The following TEK variants were observed in gnomAD, a reference collection of about 807,000 sequenced individuals.
The protein encoded by TEK is angiopoietin-1 receptor.
TEK carries 43 observed loss-of-function variants against 131.8 expected under a neutral mutation model. The ratio of observed to expected loss-of-function variants is 0.33; its 90% CI spans 0.26 to 0.42. The LOEUF is 0.42. Among genes scored for constraint, TEK ranks in the 10% least tolerant of loss-of-function variants. The pLI is 1.00. For missense variants in TEK, 1,162 were observed against 1,384.4 expected (o/e 0.84, Z 2.55); for synonymous variants, 580 against 491.6 (o/e 1.18, Z -2.38).
intron 1 of TEK, among the ~76,000 whole-genome samples, chr9:27,137,689 TTC>T: frequency 6.6e-6 from 1 of 152,250 alleles, no homozygotes; most frequent in Non-Finnish European, 1.5e-5. Context: ...CAAGATTTAC[TTC>T]GTTTTACTCT....
At chr9:27,218,130 T>TG (rs1554702611) in intron 19 of TEK, among the ~76,000 whole-genome samples, 7 of 139,512 alleles carry the variant, frequency 5.0e-5, no homozygotes, top group African/African-American at 1.8e-4. Flanking sequence ...GGCCAGACAG[T>TG]GGCGGGGGTC....
intron 1 of TEK, among the ~76,000 whole-genome samples, chr9:27,121,986 T>G (rs1821810589): frequency 6.6e-6 from 1 of 152,232 alleles, no homozygotes; most frequent in South Asian, 2.1e-4. Context: ...CTAATTTTGT[T>G]TCTCCCAGGA....
chr9:27,198,146 A>G (rs1825094788), intron 12 of TEK: 1 of 169,622 alleles, frequency 5.9e-6, no homozygotes, highest in Non-Finnish European at 1.3e-5. Flanking sequence ...TCTTTGTAGT[A>G]TTGAAAGTCT....
intron 1 of TEK, among the ~76,000 whole-genome samples, chr9:27,156,228 A>G (rs1003759783): frequency 1.3e-5 from 2 of 152,154 alleles, no homozygotes; most frequent in African/African-American, 4.8e-5. Flanking sequence ...CACTCATCCA[A>G]CAAATACTTA....
chr9:27,126,319 A>G (rs186076528), intron 1 of TEK, among the ~76,000 whole-genome samples: 2 of 152,300 alleles, frequency 1.3e-5, no homozygotes, highest in African/African-American at 4.8e-5. Context: ...TAGACTTGGG[A>G]CCATTGTAAA....
At chr9:27,144,098 A>G (rs750419057) in intron 1 of TEK, among the ~76,000 whole-genome samples, 13 of 152,338 alleles carry the variant, frequency 8.5e-5, no homozygotes, top group East Asian at 1.9e-4. Flanking sequence ...CCTGGCCAAC[A>G]TGGTGAAACC....
intron 1 of TEK, among the ~76,000 whole-genome samples, chr9:27,123,372 A>T (rs1240077930): frequency 6.6e-6 from 1 of 152,092 alleles, no homozygotes; most frequent in African/African-American, 2.4e-5. Flanking sequence ...GTGTAAAGGG[A>T]GTAAGGAAAG....
chr9:27,220,554 G>T (rs1759039059), intron 21 of TEK, among the ~76,000 whole-genome samples: 1 of 152,214 alleles, frequency 6.6e-6, no homozygotes, highest in Admixed American at 6.5e-5. Context: ...GCAACTCCCA[G>T]TGAGATCAAC....
At chr9:27,135,031 C>A (rs1051382913) in intron 1 of TEK, among the ~76,000 whole-genome samples, 2 of 152,098 alleles carry the variant, frequency 1.3e-5, no homozygotes, top group African/African-American at 4.8e-5. Flanking sequence ...TGAAGACCAG[C>A]CTGCCCAACA....
intron 1 of TEK, among the ~76,000 whole-genome samples, chr9:27,139,843 C>T (rs573516224): frequency 6.6e-6 from 1 of 152,042 alleles, no homozygotes; most frequent in South Asian, 2.1e-4. Flanking sequence ...GTTGATATTC[C>T]ACAGTTGTAT....
At chr9:27,141,224 G>A (rs1822711531) in intron 1 of TEK, among the ~76,000 whole-genome samples, 1 of 151,048 alleles carries the variant, frequency 6.6e-6, no homozygotes, top group Non-Finnish European at 1.5e-5. Context: ...TTCCTTTTTG[G>A]TTTTTGTTTT....
At chr9:27,154,082 A>T (rs1166738961) in intron 1 of TEK, among the ~76,000 whole-genome samples, 2 of 152,244 alleles carry the variant, frequency 1.3e-5, no homozygotes, top group African/African-American at 2.4e-5. Context: ...AGGATGAGAC[A>T]TAAAGGGACA....
At chr9:27,133,651 T>C (rs566210313) in intron 1 of TEK, among the ~76,000 whole-genome samples, 8 of 152,310 alleles carry the variant, frequency 5.3e-5, no homozygotes, top group Non-Finnish European at 1.0e-4. Flanking sequence ...GTGGCTTTCA[T>C]ACTTGCTTTA....
chr9:27,226,072 C>A (rs1023711230), intron 21 of TEK, among the ~76,000 whole-genome samples: 1 of 152,158 alleles, frequency 6.6e-6, no homozygotes, highest in Non-Finnish European at 1.5e-5. Flanking sequence ...ATTAAAAAGT[C>A]AGGAAATGAC....
intron 11 of TEK, 66 bp from the exon 12 acceptor site, chr9:27,197,249 G>A (rs940102621): frequency 1.6e-4 from 243 of 1,553,924 alleles, no homozygotes; most frequent in Non-Finnish European, 1.3e-4. Context: ...TGAGATTTGG[G>A]TGGGGACACT....
At chr9:27,156,976 A>G (rs920928145) in intron 1 of TEK, among the ~76,000 whole-genome samples, 3 of 152,202 alleles carry the variant, frequency 2.0e-5, no homozygotes, top group Non-Finnish European at 4.4e-5. Context: ...TTTAGAAATC[A>G]AAAAAGGGAG....
At chr9:27,172,576 T>C (rs1370431114) in intron 4 of TEK, 40 bp from the exon 5 acceptor site, 1 of 1,611,694 alleles carries the variant, frequency 6.2e-7, no homozygotes. Flanking sequence ...GTTGAGCGAA[T>C]GCGCTCTACT....
chr9:27,183,365 G>C (rs41272845), intron 7 of TEK, 94 bp from the exon 8 acceptor site: 6 of 1,365,758 alleles, frequency 4.4e-6, no homozygotes, highest in Admixed American at 1.7e-5. Flanking sequence ...GTTCTTGCCC[G>C]GTGCATGACT....
rs752779358 is a variant in TEK, at chr9:27,109,571, A to T, written c.-20A>T. 6.2e-7 allele frequency: 1 copy of T among 1,614,100 alleles called. No individual in the cohort carries two copies. Among genetic ancestry groups the T allele is most frequent in the South Asian group, 1.1e-5 (1 of 91,078 alleles). On this transcript the variant is annotated 5_prime_UTR_variant, in exon 1 of 23. An upstream start codon of the reference 5' UTR is lost. Transcript: ENST00000380036. ...CCTCATGCACATTTGTGGAAACTGG[A>T]TGGAGAGATTTGGGGAAGCATGGAC...
Sources: gnomAD v4.1 joint callset for allele counts (sites outside exome capture counted in the v4.1 genomes callset) on GRCh38, gnomAD v4.1.1 for gene constraint, MANE v1.5 for transcripts, NCBI Gene and HGNC (gene_info 2026-07-23, HGNC 2026-07-21) for gene names.